FKBP15: variants seen among roughly 807,000 people sequenced by gnomAD.
FKBP15 encodes FKBP prolyl isomerase family member 15, also known as FK506-binding protein 15.
FKBP15 carries 106 observed loss-of-function variants against 158.1 expected under a neutral mutation model. That is an observed-to-expected ratio of 0.67 (90% CI 0.57 to 0.79). The LOEUF (loss-of-function observed/expected upper bound fraction) is 0.79, where lower values mean the gene tolerates loss of function less well. Ranked by LOEUF, FKBP15 falls within the 30% of genes least tolerant of loss-of-function variation. The probability of loss-of-function intolerance (pLI) is 0.00; values close to 1 mark genes in which losing one functional copy is unlikely to be tolerated. For synonymous variants in FKBP15, 547 were observed against 548.6 expected, an observed-to-expected ratio of 1.00 and a Z score of 0.04; for missense variants, 1,287 against 1,479.1, an observed-to-expected ratio of 0.87 and a Z score of 2.13.
intron 9 of FKBP15, among the ~76,000 whole-genome samples, chr9:113,195,634 C>T (rs1414050960): frequency 1.3e-5 from 2 of 152,086 alleles, no homozygotes; most frequent in Non-Finnish European, 2.9e-5. Flanking sequence ...TAAACAGCCA[C>T]AGTGAAGATG....
At chr9:113,174,315 A>G in intron 22 of FKBP15, 113 bp downstream of exon 22, 1 of 1,104,866 alleles carries the variant, frequency 9.1e-7, no homozygotes, top group Non-Finnish European at 1.3e-6. Context: ...CCAAAGTGAG[A>G]GTATCAGCTA....
chr9:113,213,283 C>A (rs1395603088), intron 1 of FKBP15, among the ~76,000 whole-genome samples: 1 of 152,080 alleles, frequency 6.6e-6, no homozygotes, highest in Non-Finnish European at 1.5e-5. Context: ...GTGGCACGCA[C>A]CTGTAATCCC....
At chr9:113,175,064 G>GGAA (rs1830277892) in intron 21 of FKBP15, among the ~76,000 whole-genome samples, 1 of 1,734 alleles carries the variant, frequency 5.8e-4, no homozygotes, top group Non-Finnish European at 8.4e-4. Flanking sequence ...CTCCGCCTCA[G>GGAA]AAAAAAAAAA....
intron 1 of FKBP15, among the ~76,000 whole-genome samples, chr9:113,220,896 G>A (rs538949200): frequency 2.0e-5 from 3 of 152,202 alleles, no homozygotes; most frequent in Non-Finnish European, 4.4e-5. Context: ...TTCTGAGGCA[G>A]GAAGTCTCAT....
chr9:113,179,665 G>GAA (rs1177990591), intron 19 of FKBP15, among the ~76,000 whole-genome samples: 3 of 69,258 alleles, frequency 4.3e-5, no homozygotes, highest in African/African-American at 5.5e-5. Flanking sequence ...CATCTCAAAA[G>GAA]AAAAAAAAAA....
At chr9:113,188,046 A>G (rs2118896518) in intron 13 of FKBP15, 147 bp from the exon 14 acceptor site, 1 of 672,518 alleles carries the variant, frequency 1.5e-6, no homozygotes, top group East Asian at 2.7e-5. Flanking sequence ...AATCTCAGGA[A>G]TGAGCCAGTG....
intron 8 of FKBP15, 31 bp from the exon 9 acceptor site, chr9:113,197,109 A>C: frequency 6.2e-7 from 1 of 1,604,540 alleles, no homozygotes; most frequent in Non-Finnish European, 8.5e-7. Context: ...AAGCTCATCA[A>C]ACAAGAAGCT....
intron 4 of FKBP15, among the ~76,000 whole-genome samples, chr9:113,204,065 C>G (rs1830842784): frequency 6.6e-6 from 1 of 150,998 alleles, no homozygotes; most frequent in Non-Finnish European, 1.5e-5. Flanking sequence ...AATGATACTT[C>G]TATGAACATT....
chr9:113,200,103 C>T (rs929844308), intron 6 of FKBP15, 140 bp from the exon 7 acceptor site: 1 of 966,970 alleles, frequency 1.0e-6, no homozygotes, highest in Non-Finnish European at 1.5e-6. Context: ...AAACGGAAGC[C>T]AGTTATCTTG....
At chr9:113,190,061 C>T (rs192264991) in intron 12 of FKBP15, among the ~76,000 whole-genome samples, 177 of 152,266 alleles carry the variant, frequency 1.2e-3, no homozygotes, top group Non-Finnish European at 2.1e-3. Context: ...AGTCAAAAGA[C>T]ATACTAGTTG....
Position 113,176,728 on chromosome 9 carries a change from T to C in FKBP15, c.2087-55A>G, listed in dbSNP as rs150653676. 858 of 1,555,600 alleles carry C rather than the reference T, an allele frequency of 5.5e-4. 4 individuals carry two copies. The African/African-American group carries it at 0.011, about 19-fold the overall frequency. On this transcript the variant is annotated intron_variant, in intron 20 of 27. Transcript: ENST00000238256. The stretch of plus-strand genomic sequence containing the variant: ...ACAGAACCAAAGCTGTAATGGGCTA[T>C]GTGTTATCCCAGCAGCTCTTTTTTT...
At chr9:113,170,285 C>G (rs1830183252) in intron 25 of FKBP15, among the ~76,000 whole-genome samples, 1 of 152,016 alleles carries the variant, frequency 6.6e-6, no homozygotes, top group African/African-American at 2.4e-5. Flanking sequence ...GCCACCATAC[C>G]CGGCTAATTT....
intron 8 of FKBP15, 28 bp from the exon 9 acceptor site, chr9:113,197,106 T>G: frequency 6.2e-7 from 1 of 1,605,394 alleles, no homozygotes; most frequent in Non-Finnish European, 8.5e-7. Flanking sequence ...GAAAAGCTCA[T>G]CAAACAAGAA....
In FKBP15 at chr9:113,162,634, G is replaced by A. The variant is rs1366345488; in HGVS notation, c.*3444C>T. On this transcript the variant is annotated 3_prime_UTR_variant, in exon 28 of 28. Coordinates refer to ENST00000238256, the MANE Select transcript of FKBP15 (RefSeq NM_015258.2). ...AATCACTCCTGGGTTAAGCATACAA[G>A]TTATAAATCAATCGGGTCACGTAAC... 2 of 979,444 alleles carry A rather than the reference G, an allele frequency of 2.0e-6. No individual in the cohort carries two copies. The highest frequency in any genetic ancestry group is 3.0e-6 in the Non-Finnish European group (2 of 657,926). 60.7% of individuals were successfully genotyped at this position (979,444 alleles called of 1,614,324 possible). A position where few individuals can be genotyped will look rare whatever the true frequency, so the allele number is the denominator to read the frequency against.
At position 113,161,419 on chromosome 9, in the gene FKBP15, G is replaced by C; in HGVS notation, c.*4659C>G. 1 of 1,160,984 alleles carries C rather than the reference G, an allele frequency of 8.6e-7. No individual in the cohort carries two copies. The allele number at this position is 1,160,984 out of a possible 1,614,324, so 71.9% of individuals were successfully genotyped here. On this transcript the variant is annotated 3_prime_UTR_variant, in exon 28 of 28. Transcript: ENST00000238256. The stretch of plus-strand genomic sequence containing the variant: ...GGGAAGAAGGTGCAGGATAGAGGTG[G>C]ATGGAGTGGATTCCATGAACAGGTG...
rs1435004402 is a variant in FKBP15 at position 113,221,219 on chromosome 9, C to T, written c.25G>A (p.Asp9Asn). The change falls in exon 1 of 28, where the codon GAC becomes AAC. Residue 9 changes from aspartate (D) to asparagine (N), a missense_variant. Asp to Asn is a conservative substitution (Grantham distance 23, BLOSUM62 1). Coordinates refer to ENST00000238256, the MANE Select transcript of FKBP15 (RefSeq NM_015258.2). ...CCGCTCGGCGAGAGGAAATCGGTGT[C>T]GTCCTCGTCCCCCGCACCGAACATT... MFGAGDED[D>N]TDFLSPSGGA... The T allele has an allele frequency of 3.7e-6, 6 of 1,609,862 alleles. No homozygotes were observed. The highest frequency in any genetic ancestry group is 1.3e-5 in the African/African-American group (1 of 74,832).
In FKBP15 at chr9:113,164,933, G is replaced by A. The variant is rs1386292834; in HGVS notation, c.*1145C>T. The A allele has an allele frequency of 6.6e-6, 1 of 152,236 alleles. No individual in the cohort carries two copies. The highest frequency in any genetic ancestry group is 1.5e-5 in the Non-Finnish European group (1 of 68,042). 9.4% of individuals were successfully genotyped at this position (152,236 alleles called of 1,614,324 possible). A position where few individuals can be genotyped will look rare whatever the true frequency, so the allele number is the denominator to read the frequency against. ...CACTGCCTCCCAGGTCCGCACACGG[G>A]AGACATATCCAAAGCCTGCAAGGAT... On this transcript the variant is annotated 3_prime_UTR_variant, in exon 28 of 28. Transcript: ENST00000238256.
At chr9:113,213,722 T>C (rs1243088600) in intron 1 of FKBP15, among the ~76,000 whole-genome samples, 2 of 152,064 alleles carry the variant, frequency 1.3e-5, no homozygotes, top group African/African-American at 4.8e-5. Flanking sequence ...TGCAGAGAGT[T>C]CCTACCAAGA....
chr9:113,163,583 C>CTATT lies in FKBP15; in HGVS notation c.*2491_*2494dup, dbSNP rs1830051088. On this transcript the variant is annotated 3_prime_UTR_variant, in exon 28 of 28. Transcript: ENST00000238256. ...GATGGATGGCAGAAACTGCTGAGACCTATTTCCCTTTCTTGGGGAGAGAAT... is the reference window on the plus strand; with the variant it reads ...GATGGATGGCAGAAACTGCTGAGACCTATTTATTTCCCTTTCTTGGGGAGAGAAT... 1 of 152,518 alleles carries CTATT rather than the reference C, an allele frequency of 6.6e-6. No homozygotes were observed. The highest frequency in any genetic ancestry group is 6.5e-5 in the Admixed American group (1 of 15,280). 9.4% of individuals were successfully genotyped at this position (152,518 alleles called of 1,614,324 possible).
Sources: gnomAD v4.1 joint callset for allele counts (sites outside exome capture counted in the v4.1 genomes callset) on GRCh38, gnomAD v4.1.1 for gene constraint, MANE v1.5 for transcripts, NCBI Gene and HGNC (gene_info 2026-07-23, HGNC 2026-07-21) for gene names.